The following TDRD6 variants were observed in gnomAD, a reference collection of about 807,000 sequenced individuals.
TDRD6 encodes the protein tudor domain-containing protein 6.
TDRD6 carries 186 observed loss-of-function variants against 157.5 expected under a neutral mutation model. That is an observed-to-expected ratio of 1.18 (90% CI 1.05 to 1.33). TDRD6 has a LOEUF of 1.33. TDRD6 is among the 40% of genes most tolerant of loss of function. The pLI, the probability that TDRD6 is intolerant of heterozygous loss-of-function variation, is 0.00. For synonymous variants in TDRD6, 1,075 were observed against 945.2 expected (o/e 1.14, Z -2.52); for missense variants, 3,066 against 2,508.0 (o/e 1.22, Z -4.75).
At position 46,692,308 on chromosome 6, in the gene TDRD6, T is replaced by C. The variant is rs542768861; in HGVS notation, c.4180T>C (p.Ser1394Pro). 1 of 1,614,184 alleles carries C rather than the reference T, an allele frequency of 6.2e-7. No individual in the cohort carries two copies. Among genetic ancestry groups the C allele is most frequent in the Non-Finnish European group, 8.5e-7 (1 of 1,180,022 alleles). Residue 1394 changes from serine to proline, a missense_variant, in exon 1 of 4, where the codon TCT (serine) becomes CCT (proline). By Grantham distance (74) the Ser-to-Pro change is moderately conservative (BLOSUM62 -1). Transcript: ENST00000316081. ...SVQFIDYGNV[S>P]VVHTNKIGRL... ...GCAGTTTATAGATTATGGCAATGTT[T>C]CTGTGGTTCATACTAACAAAATAGG...
At position 46,689,238 on chromosome 6, in the gene TDRD6, G is replaced by T; in HGVS notation, c.1110G>T (p.Pro370=). 1 of 1,614,130 alleles carries T rather than the reference G, an allele frequency of 6.2e-7. No individual in the cohort carries two copies. The highest frequency in any genetic ancestry group is 1.1e-5 in the South Asian group (1 of 91,072). Reference sequence around the variant, plus strand: ...TGCTGCCTGAATATTTTCGAATGCCGGTGGTGACCTACCCTTGTGCTTTGT... The same window carrying T: ...TGCTGCCTGAATATTTTCGAATGCCTGTGGTGACCTACCCTTGTGCTTTGT... The part of the protein sequence containing the change: ...RYLLPEYFRM[P]VVTYPCALYG... Residue 370 remains proline, a synonymous_variant, in exon 1 of 4, where the codon CCG becomes CCT. Transcript: ENST00000316081.
the TDRD6 span, among the ~76,000 whole-genome samples, chr6:46,680,542 C>T: frequency 1.3e-5 from 2 of 152,186 alleles, no homozygotes; most frequent in African/African-American, 4.8e-5. Context: ...CGTGTCTGGA[C>T]TGTCACCCTG....
chr6:46,695,555 G>A (rs937828748), intron 1 of TDRD6, among the ~76,000 whole-genome samples: 2 of 151,922 alleles, frequency 1.3e-5, no homozygotes, highest in Admixed American at 6.6e-5. Flanking sequence ...TTTTATTAGC[G>A]ATTTTCACTG....
chr6:46,685,985 G>A (rs1764081958), upstream of TDRD6, among the ~76,000 whole-genome samples: 1 of 152,108 alleles, frequency 6.6e-6, no homozygotes, highest in Non-Finnish European at 1.5e-5. Flanking sequence ...ACAAACTAAT[G>A]CTACCTGCTC....
chr6:46,688,420 C>G lies in TDRD6; in HGVS notation c.292C>G (p.Leu98Val). The G allele has an allele frequency of 6.5e-7, 1 of 1,540,484 alleles. No individual in the cohort carries two copies. Among genetic ancestry groups the G allele is most frequent in the Non-Finnish European group, 8.7e-7 (1 of 1,145,906 alleles). Reference protein sequence around the residue: ...SRQAQESRVFLLDEGRTITAG... With the variant: ...SRQAQESRVFVLDEGRTITAG... ...GCAGGCACAGGAGAGCCGTGTCTTCCTGCTGGACGAGGGCCGCACCATCAC... is the reference window on the plus strand; with the variant it reads ...GCAGGCACAGGAGAGCCGTGTCTTCGTGCTGGACGAGGGCCGCACCATCAC... Residue 98 changes from leucine (L) to valine (V), a missense_variant, in exon 1 of 4, where the codon CTG becomes GTG. Coordinates refer to ENST00000316081, the MANE Select transcript of TDRD6 (RefSeq NM_001010870.3).
rs1226638477 is a variant in TDRD6 at position 46,703,498 on chromosome 6, T to C, written c.*1611T>C. 6.6e-6 allele frequency: 1 copy of C among 151,976 alleles called. No individual in the cohort carries two copies. The highest frequency in any genetic ancestry group is 1.5e-5 in the Non-Finnish European group (1 of 67,912). 9.4% of individuals were successfully genotyped at this position (151,976 alleles called of 1,614,324 possible). A position where few individuals can be genotyped will look rare whatever the true frequency, so the allele number is the denominator to read the frequency against. On this transcript the variant is annotated 3_prime_UTR_variant, in exon 4 of 4. Coordinates refer to ENST00000316081, the MANE Select transcript of TDRD6 (RefSeq NM_001010870.3). ...AGTTTAACTCCCTATTTTAAAAAAT[T>C]TAATCTGAATGGCTACAGAAGTAAA... is the stretch of plus-strand genomic sequence containing the variant.
chr6:46,697,687 G>A (rs1764530601), intron 2 of TDRD6, among the ~76,000 whole-genome samples: 1 of 115,130 alleles, frequency 8.7e-6, no homozygotes, highest in African/African-American at 3.0e-5. Flanking sequence ...AGGAGTTTGA[G>A]ACCAGACTGG....
In TDRD6 at chr6:46,689,031, C is replaced by T. The variant is rs375675415; in HGVS notation, c.903C>T (p.Ala301=). Residue 301 remains alanine, a synonymous_variant, in exon 1 of 4, where the codon GCC becomes GCT. Transcript: ENST00000316081. ...TGTGDENSTS[A]TWEEREESPD... ...CAGGGGATGAGAACTCTACCAGTGCCACCTGGGAGGAGAGGGAGGAGAGCC... is the reference window on the plus strand; with the variant it reads ...CAGGGGATGAGAACTCTACCAGTGCTACCTGGGAGGAGAGGGAGGAGAGCC... 4 of 1,613,936 alleles carry T rather than the reference C, an allele frequency of 2.5e-6. No homozygotes were observed. The African/African-American group carries it at 4.0e-5, about 16-fold the overall frequency.
chr6:46,695,844 C>T lies in TDRD6; in HGVS notation c.6070C>T (p.Leu2024=). 5 of 1,613,648 alleles carry T rather than the reference C, an allele frequency of 3.1e-6. No individual in the cohort carries two copies. Among genetic ancestry groups the T allele is most frequent in the Non-Finnish European group, 4.2e-6 (5 of 1,179,724 alleles). ...AGCTCAACTACAGAACACCTACACT[C>T]TGAAAGCCTTTACTGTTGGATCTAA... The part of the protein sequence containing the change: ...ISAQLQNTYT[L]KAFTVGSKCV... Residue 2024 remains leucine, a synonymous_variant, in exon 2 of 4, where the codon CTG becomes TTG. Coordinates refer to ENST00000316081, the MANE Select transcript of TDRD6 (RefSeq NM_001010870.3).
chr6:46,688,381 C>A lies in TDRD6; in HGVS notation c.253C>A (p.Arg85Ser). 6.5e-7 allele frequency: 1 copy of A among 1,535,474 alleles called. No individual in the cohort carries two copies. ...VQVGLLWHRC[R>S]VVSRQAQESR... Reference sequence around the variant, plus strand: ...GGTCGGGCTTTTGTGGCACCGCTGCCGCGTGGTCAGCCGGCAGGCACAGGA... The same window carrying A: ...GGTCGGGCTTTTGTGGCACCGCTGCAGCGTGGTCAGCCGGCAGGCACAGGA... The change falls in exon 1 of 4, where the codon CGC (arginine) becomes AGC (serine). Residue 85 changes from arginine (R) to serine (S), a missense_variant. By Grantham distance (110) the Arg-to-Ser change is moderately radical (BLOSUM62 -1). Coordinates refer to ENST00000316081, the MANE Select transcript of TDRD6 (RefSeq NM_001010870.3).
rs1252974769 is a variant in TDRD6 at position 46,689,744 on chromosome 6, C to A, written c.1616C>A (p.Pro539His). ...KLDGVVLKPE[P>H]DDLCCVKWKE... ...GATGGTGTAGTTTTGAAACCTGAAC[C>A]TGATGACCTTTGCTGTGTCAAGTGG... The change falls in exon 1 of 4, where the codon CCT becomes CAT. Residue 539 changes from proline to histidine, a missense_variant. Physicochemically the swap from Pro to His is moderately conservative, Grantham distance 77. Coordinates refer to ENST00000316081, the MANE Select transcript of TDRD6 (RefSeq NM_001010870.3). 1 of 1,614,040 alleles carries A rather than the reference C, an allele frequency of 6.2e-7. No homozygotes were observed. Among genetic ancestry groups the A allele is most frequent in the African/African-American group, 1.3e-5 (1 of 74,908 alleles).
Position 46,688,515 on chromosome 6 carries a change from C to T in TDRD6, c.387C>T (p.Cys129=), listed in dbSNP as rs769341584. 6 of 1,563,692 alleles carry T rather than the reference C, an allele frequency of 3.8e-6. No individual in the cohort carries two copies. The African/African-American group carries it at 5.4e-5, about 14-fold the overall frequency. The part of the protein sequence containing the change: ...FFNLPSEVLG[C]VLAGLVPAGC... ...ATTTGCCCTCGGAAGTGCTGGGCTGCGTGCTAGCGGGCCTGGTGCCGGCAG... is the reference window on the plus strand; with the variant it reads ...ATTTGCCCTCGGAAGTGCTGGGCTGTGTGCTAGCGGGCCTGGTGCCGGCAG... Residue 129 remains cysteine, a synonymous_variant, in exon 1 of 4, where the codon TGC becomes TGT. Transcript: ENST00000316081.
chr6:46,682,690 G>C, the TDRD6 span, among the ~76,000 whole-genome samples: 49 of 151,838 alleles, frequency 3.2e-4, no homozygotes, highest in African/African-American at 1.2e-3. Context: ...TACTGGCAAT[G>C]AAAAACTAGG....
upstream of TDRD6, chr6:46,687,691 G>A (rs1764136795): frequency 6.2e-6 from 1 of 161,474 alleles, no homozygotes; most frequent in Non-Finnish European, 1.3e-5. Flanking sequence ...CCTGTGTCAG[G>A]CCGTCACACG....
chr6:46,687,955 G>A lies in TDRD6; in HGVS notation c.-174G>A. 1.9e-6 allele frequency: 2 copies of A among 1,063,788 alleles called. No individual in the cohort carries two copies. The highest frequency in any genetic ancestry group is 1.9e-5 in the South Asian group (1 of 52,184). 65.9% of individuals were successfully genotyped at this position (1,063,788 alleles called of 1,614,324 possible). ...TTACCAGTCCGTGGCGGGAGTCCCG[G>A]AGGACCCTCGACGGGGGAGTTGCCG... is the stretch of plus-strand genomic sequence containing the variant. On this transcript the variant is annotated 5_prime_UTR_variant, in exon 1 of 4. Transcript: ENST00000316081.
chr6:46,688,850 A>T lies in TDRD6; in HGVS notation c.722A>T (p.Tyr241Phe), dbSNP rs908929406. ...AAGCAAAAGCAGCCTGGTCTGGATT[A>T]CTTCTATCCCCAGCTGCAGCTGGGC... ...PLKQKQPGLD[Y>F]FYPQLQLGVT... The change falls in exon 1 of 4, where the codon TAC becomes TTC. Residue 241 changes from tyrosine to phenylalanine, a missense_variant. Coordinates refer to ENST00000316081, the MANE Select transcript of TDRD6 (RefSeq NM_001010870.3). 2.5e-6 allele frequency: 4 copies of T among 1,611,432 alleles called. No individual in the cohort carries two copies. Among genetic ancestry groups the T allele is most frequent in the Non-Finnish European group, 3.4e-6 (4 of 1,178,758 alleles).
chr6:46,696,581 G>GTATATATATATA (rs1554181450), intron 2 of TDRD6, among the ~76,000 whole-genome samples: 2 of 34,892 alleles, frequency 5.7e-5, no homozygotes, highest in Non-Finnish European at 8.9e-5. Flanking sequence ...GTGTGTGTGT[G>GTATATATATATA]TATATATATA....
Position 46,688,464 on chromosome 6 carries a change from G to T in TDRD6, c.336G>T (p.Leu112=). The part of the protein sequence containing the change: ...GRTITAGAGS[L]APGRREFFNL... ...CCATCACGGCCGGAGCAGGCTCGCTGGCGCCTGGGCGCAGAGAGTTCTTCA... is the reference window on the plus strand; with the variant it reads ...CCATCACGGCCGGAGCAGGCTCGCTTGCGCCTGGGCGCAGAGAGTTCTTCA... Residue 112 remains leucine (L), a synonymous_variant, in exon 1 of 4, where the codon CTG becomes CTT. Coordinates refer to ENST00000316081, the MANE Select transcript of TDRD6 (RefSeq NM_001010870.3). 1 of 1,544,256 alleles carries T rather than the reference G, an allele frequency of 6.5e-7. No individual in the cohort carries two copies.
rs200948216 is a variant in TDRD6 at position 46,689,544 on chromosome 6, G to T, written c.1416G>T (p.Glu472Asp). ...SQSPAEEVDE[E>D]ISLPALRSIR... The stretch of plus-strand genomic sequence containing the variant: ...CTCCTGCTGAAGAAGTAGATGAAGA[G>T]ATTTCACTCCCAGCCTTAAGATCTA... Residue 472 changes from glutamate (E) to aspartate (D), a missense_variant, in exon 1 of 4, where the codon GAG becomes GAT. Transcript: ENST00000316081. 3.7e-5 allele frequency: 59 copies of T among 1,613,944 alleles called. No individual in the cohort carries two copies.
Sources: allele counts gnomAD v4.1 joint callset (sites outside exome capture counted in the v4.1 genomes callset), GRCh38; gene constraint gnomAD v4.1.1; transcripts MANE v1.5; gene names NCBI Gene and HGNC (gene_info 2026-07-23, HGNC 2026-07-21).